MEF2C: variants seen among roughly 807,000 people sequenced by gnomAD.
MEF2C encodes myocyte-specific enhancer factor 2C.
MEF2C carries 6 observed loss-of-function variants against 50.5 expected under a neutral mutation model. That is an observed-to-expected ratio of 0.12 (90% CI 0.07 to 0.23). The LOEUF (loss-of-function observed/expected upper bound fraction) is 0.23, where lower values mean the gene tolerates loss of function less well. Ranked by LOEUF, MEF2C falls within the 10% of genes least tolerant of loss-of-function variation. MEF2C has a pLI of 1.00. For synonymous variants in MEF2C, 183 were observed against 228.0 expected (o/e 0.80, Z 1.78); for missense variants, 276 against 605.0 (o/e 0.46, Z 5.70).
At chr5:88,754,394 A>G (rs1774288295) in intron 4 of MEF2C, among the ~76,000 whole-genome samples, 1 of 152,186 alleles carries the variant, frequency 6.6e-6, no homozygotes, top group Admixed American at 6.5e-5. Context: ...GTACTTCATT[A>G]TTCTCTCAGG....
intron 1 of MEF2C, chr5:88,824,407 G>C (rs2153223525): frequency 1.1e-6 from 1 of 936,806 alleles, no homozygotes; most frequent in Middle Eastern, 5.5e-4. Context: ...ATGCAAATAG[G>C]ATGGACGATT....
At position 88,736,016 on chromosome 5, in the gene MEF2C, T is replaced by C. The variant is rs531957302; in HGVS notation, c.638-4115A>G. 1.3e-5 allele frequency: 13 copies of C among 985,432 alleles called. No homozygotes were observed. In the Admixed American group the frequency reaches 1.8e-4, roughly 14 times the overall value. The allele number at this position is 985,432 out of a possible 1,614,324, so 61.0% of individuals were successfully genotyped here. A position where few individuals can be genotyped will look rare whatever the true frequency, so the allele number is the denominator to read the frequency against. On this transcript the variant is annotated intron_variant, in intron 6 of 10. Transcript: ENST00000504921. Reference sequence around the variant, plus strand: ...AGAATTAGTCACTATGGACCATGGCTAATTCTGCCATTGGCATAACCATTT... The same window carrying C: ...AGAATTAGTCACTATGGACCATGGCCAATTCTGCCATTGGCATAACCATTT...
chr5:88,848,160 A>T (rs1471675036), intron 1 of MEF2C, among the ~76,000 whole-genome samples: 1 of 152,266 alleles, frequency 6.6e-6, no homozygotes, highest in Non-Finnish European at 1.5e-5. Flanking sequence ...GATGATATAG[A>T]ATAATTTGCC....
intron 1 of MEF2C, among the ~76,000 whole-genome samples, chr5:88,894,910 C>T (rs1421435913): frequency 1.3e-5 from 2 of 152,056 alleles, no homozygotes; most frequent in Admixed American, 6.6e-5. Context: ...GCAGAATCCA[C>T]GTTTAGACAC....
chr5:88,810,208 A>G (rs1802183283), intron 2 of MEF2C, among the ~76,000 whole-genome samples: 1 of 152,152 alleles, frequency 6.6e-6, no homozygotes, highest in African/African-American at 2.4e-5. Flanking sequence ...TCAAAAATAG[A>G]GATTTTGGAC....
chr5:88,818,717 C>A (rs764575017), intron 2 of MEF2C, among the ~76,000 whole-genome samples: 2 of 151,980 alleles, frequency 1.3e-5, no homozygotes, highest in Non-Finnish European at 2.9e-5. Context: ...CATTCTCTAG[C>A]CCCTTGTTGG....
At chr5:88,819,613 C>T (rs900684252) in intron 2 of MEF2C, among the ~76,000 whole-genome samples, 10 of 151,954 alleles carry the variant, frequency 6.6e-5, no homozygotes, top group Non-Finnish European at 1.2e-4. Flanking sequence ...CTTTCTCCAA[C>T]CCTGATGTAA....
intron 6 of MEF2C, chr5:88,739,884 C>T (rs1765781651): frequency 2.0e-6 from 2 of 985,172 alleles, no homozygotes; most frequent in Admixed American, 6.2e-5. Context: ...TGATTCTTAT[C>T]TTGCTAAAGA....
chr5:88,730,776 A>T (rs1433713020), intron 7 of MEF2C, among the ~76,000 whole-genome samples: 1 of 152,190 alleles, frequency 6.6e-6, no homozygotes, highest in Non-Finnish European at 1.5e-5. Context: ...TTCAAAATTA[A>T]TCTGCACTGT....
chr5:88,735,363 A>C (rs1763670945), intron 6 of MEF2C: 1 of 985,390 alleles, frequency 1.0e-6, no homozygotes. Flanking sequence ...GCTATGTTTT[A>C]AAATTACCCT....
chr5:88,775,047 C>A (rs1784138720), intron 3 of MEF2C, among the ~76,000 whole-genome samples: 1 of 152,198 alleles, frequency 6.6e-6, no homozygotes, highest in South Asian at 2.1e-4. Context: ...CTGGGAATTT[C>A]ATAATTTAAT....
At chr5:88,822,632 AAAC>A (rs1295356740) in intron 2 of MEF2C, among the ~76,000 whole-genome samples, 2 of 152,096 alleles carry the variant, frequency 1.3e-5, no homozygotes, top group South Asian at 2.1e-4. Context: ...TTTACACATG[AAAC>A]AACATTACAT....
upstream of MEF2C, among the ~76,000 whole-genome samples, chr5:88,886,419 G>A (rs974614040): frequency 2.0e-5 from 3 of 152,154 alleles, no homozygotes; most frequent in Non-Finnish European, 2.9e-5. Flanking sequence ...TGTACTAGGT[G>A]TCAGGAGACC....
chr5:88,894,721 T>A (rs547801652), intron 1 of MEF2C, among the ~76,000 whole-genome samples: 2 of 152,354 alleles, frequency 1.3e-5, no homozygotes, highest in African/African-American at 2.4e-5. Flanking sequence ...ATTTTTGATA[T>A]GATTTTATAA....
intron 2 of MEF2C, among the ~76,000 whole-genome samples, chr5:88,809,422 CTA>C (rs1384820032): frequency 1.3e-5 from 2 of 152,118 alleles, no homozygotes; most frequent in Non-Finnish European, 2.9e-5. Context: ...TGAATATTCT[CTA>C]TGTCAGGCAT....
chr5:88,891,256 C>T (rs1834515872), intron 1 of MEF2C, among the ~76,000 whole-genome samples: 1 of 152,092 alleles, frequency 6.6e-6, no homozygotes, highest in Non-Finnish European at 1.5e-5. Flanking sequence ...TTCTTAAGGT[C>T]AGGGAGGAAA....
intron 9 of MEF2C, among the ~76,000 whole-genome samples, chr5:88,729,015 T>C (rs1433750214): frequency 6.6e-6 from 1 of 152,198 alleles, no homozygotes; most frequent in Non-Finnish European, 1.5e-5. Flanking sequence ...TGAACTCAGG[T>C]TGCATAAATA....
At chr5:88,779,398 C>T (rs1786569254) in intron 3 of MEF2C, among the ~76,000 whole-genome samples, 1 of 152,056 alleles carries the variant, frequency 6.6e-6, no homozygotes, top group Non-Finnish European at 1.5e-5. Context: ...AGGCAGGTGG[C>T]TGGGAGAAGT....
rs1474347143 is a variant in MEF2C, at chr5:88,720,385, C to A, written c.*2219G>T. On this transcript the variant is annotated 3_prime_UTR_variant, in exon 11 of 11. Transcript: ENST00000504921. ...CATTAGTACAAGGCAGGCTAGCATC[C>A]TTTATGGATACAACCAAAGGTGCAT... 1 of 152,028 alleles carries A rather than the reference C, an allele frequency of 6.6e-6. No individual in the cohort carries two copies. Among genetic ancestry groups the A allele is most frequent in the Non-Finnish European group, 1.5e-5 (1 of 67,922 alleles). 9.4% of individuals were successfully genotyped at this position (152,028 alleles called of 1,614,324 possible). A position where few individuals can be genotyped will look rare whatever the true frequency, so the allele number is the denominator to read the frequency against.
Sources: gnomAD v4.1 joint callset for allele counts (sites outside exome capture counted in the v4.1 genomes callset) on GRCh38, gnomAD v4.1.1 for gene constraint, MANE v1.5 for transcripts, NCBI Gene and HGNC (gene_info 2026-07-23, HGNC 2026-07-21) for gene names.